Variants in PRKG1 observed in about 807,000 individuals in gnomAD.
The protein encoded by PRKG1 is protein kinase cGMP-dependent 1.
A neutral mutation model predicts 88.1 loss-of-function variants in PRKG1; 35 were observed. That is an observed-to-expected ratio of 0.40 (90% CI 0.30 to 0.53). The LOEUF is 0.53. Ranked by LOEUF, PRKG1 falls within the 20% of genes least tolerant of loss-of-function variation. The pLI is 0.59. For synonymous variants in PRKG1, 303 were observed against 292.5 expected, an observed-to-expected ratio of 1.04 and a Z score of -0.37; for missense variants, 540 against 839.8, an observed-to-expected ratio of 0.64 and a Z score of 4.41.
chr10:51,951,709 C>T (rs1843189599), intron 5 of PRKG1, among the ~76,000 whole-genome samples: 1 of 151,872 alleles, frequency 6.6e-6, no homozygotes, highest in African/African-American at 2.4e-5. Context: ...ACAATGGGGA[C>T]ATAACTGGAA....
intron 1 of PRKG1, among the ~76,000 whole-genome samples, chr10:50,994,813 G>GAAAAAAAAAAAAAAAAAAA (rs35386826): frequency 7.0e-6 from 1 of 143,622 alleles, no homozygotes. Context: ...AACTATTCAG[G>GAAAAAAAAAAAAAAAAAAA]AAAAAAAAAA....
chr10:51,276,823 G>A (rs1351503125), intron 2 of PRKG1, among the ~76,000 whole-genome samples: 10 of 151,844 alleles, frequency 6.6e-5, no homozygotes, highest in South Asian at 4.2e-4. Flanking sequence ...TTTTTTTCTC[G>A]TAAATTTGTT....
intron 5 of PRKG1, among the ~76,000 whole-genome samples, chr10:51,939,565 T>C (rs974658504): frequency 3.3e-5 from 5 of 151,388 alleles, no homozygotes; most frequent in African/African-American, 1.2e-4. Context: ...GTCAACTCTC[T>C]TCTTTCTTGA....
chr10:52,132,771 A>T (rs1837300618), intron 7 of PRKG1, among the ~76,000 whole-genome samples: 1 of 151,992 alleles, frequency 6.6e-6, no homozygotes, highest in South Asian at 2.1e-4. Context: ...TTATTTTGTA[A>T]TTTTTAAATT....
chr10:52,158,576 A>C (rs1252951173), intron 8 of PRKG1, among the ~76,000 whole-genome samples: 1 of 151,704 alleles, frequency 6.6e-6, no homozygotes, highest in Non-Finnish European at 1.5e-5. Flanking sequence ...AGGGATCTGC[A>C]GACAGTGGCA....
chr10:51,626,213 C>G (rs1283621307), intron 3 of PRKG1, among the ~76,000 whole-genome samples: 1 of 152,110 alleles, frequency 6.6e-6, no homozygotes, highest in Non-Finnish European at 1.5e-5. Flanking sequence ...GCAGAAATCC[C>G]CGTGAAAACT....
chr10:52,137,215 G>A (rs993060245), intron 8 of PRKG1, among the ~76,000 whole-genome samples: 6 of 151,976 alleles, frequency 3.9e-5, no homozygotes, highest in African/African-American at 1.4e-4. Flanking sequence ...GAACATTATT[G>A]TAACTAATCA....
At chr10:51,996,240 G>A (rs994013220) in intron 5 of PRKG1, among the ~76,000 whole-genome samples, 1 of 145,508 alleles carries the variant, frequency 6.9e-6, no homozygotes, top group Admixed American at 7.1e-5. Context: ...GCTTGAACCC[G>A]GGCAGTGGAG....
chr10:51,420,929 C>T (rs140192764), intron 2 of PRKG1, among the ~76,000 whole-genome samples: 238 of 152,192 alleles, frequency 1.6e-3, no homozygotes, highest in East Asian at 0.013. Context: ...TTTTAAATGA[C>T]CAGATCTGGT....
At chr10:52,164,368 A>G (rs533701326) in intron 9 of PRKG1, among the ~76,000 whole-genome samples, 35 of 148,920 alleles carry the variant, frequency 2.4e-4, no homozygotes, top group South Asian at 6.2e-4. Context: ...AAGTAAGTAA[A>G]TAAATAAATA....
chr10:51,754,423 A>G lies in PRKG1; in HGVS notation c.593-50162A>G, dbSNP rs78884347. 2.0e-5 allele frequency among the ~76,000 whole-genome samples: 3 copies of G among 152,124 alleles called. No homozygotes were observed. The South Asian group carries it at 6.2e-4, about 31-fold the overall frequency. The stretch of plus-strand genomic sequence containing the variant: ...TGTTCTTTCAATTACTTCCCTCTTT[A>G]GTCACTTGCCCAAATGGGTGGCTTA... On this transcript the variant is annotated intron_variant, in intron 3 of 17. Coordinates refer to ENST00000373980, the MANE Select transcript of PRKG1 (RefSeq NM_006258.4).
intron 7 of PRKG1, among the ~76,000 whole-genome samples, chr10:52,063,526 G>A (rs577977481): frequency 1.3e-5 from 2 of 152,358 alleles, no homozygotes; most frequent in East Asian, 1.9e-4. Flanking sequence ...GCATGTTTCA[G>A]CCCTGTTTGT....
At chr10:51,699,517 C>T in intron 3 of PRKG1, 1 of 1,612,448 alleles carries the variant, frequency 6.2e-7, no homozygotes, top group Non-Finnish European at 8.5e-7. Context: ...GTGATCGATC[C>T]ATTGCCGGGT....
At chr10:51,901,244 A>G (rs1221997763) in intron 4 of PRKG1, among the ~76,000 whole-genome samples, 2 of 152,212 alleles carry the variant, frequency 1.3e-5, no homozygotes, top group Non-Finnish European at 2.9e-5. Flanking sequence ...TCATTGCCAC[A>G]TATTCATGTA....
intron 2 of PRKG1, among the ~76,000 whole-genome samples, chr10:51,234,376 C>T (rs1262217643): frequency 6.6e-6 from 1 of 152,178 alleles, no homozygotes. Flanking sequence ...GAAGCTGCTG[C>T]TTCGTTGTAA....
chr10:51,878,663 C>T (rs1206685113), intron 4 of PRKG1, among the ~76,000 whole-genome samples: 1 of 152,116 alleles, frequency 6.6e-6, no homozygotes, highest in Non-Finnish European at 1.5e-5. Flanking sequence ...TTTTGTTACT[C>T]CCCAGAGTCT....
intron 2 of PRKG1, among the ~76,000 whole-genome samples, chr10:51,301,545 G>T (rs1363215627): frequency 6.6e-6 from 1 of 152,160 alleles, no homozygotes. Context: ...ATTTTATTTG[G>T]AAACTAATGT....
At chr10:51,879,019 AG>A (rs1841371715) in intron 4 of PRKG1, among the ~76,000 whole-genome samples, 1 of 152,216 alleles carries the variant, frequency 6.6e-6, no homozygotes, top group East Asian at 1.9e-4. Flanking sequence ...CAATAAGTCC[AG>A]GGCCTTTGGT....
chr10:51,689,288 G>A (rs1841078226), intron 3 of PRKG1, among the ~76,000 whole-genome samples: 1 of 143,922 alleles, frequency 6.9e-6, no homozygotes, highest in South Asian at 2.2e-4. Flanking sequence ...AAGCATTCAA[G>A]ATAGTTTTCA....
Sources: gnomAD v4.1 joint callset for allele counts (sites outside exome capture counted in the v4.1 genomes callset) on GRCh38, gnomAD v4.1.1 for gene constraint, MANE v1.5 for transcripts, NCBI Gene and HGNC (gene_info 2026-07-23, HGNC 2026-07-21) for gene names.